FAM186A: variants seen among roughly 807,000 people sequenced by gnomAD.
FAM186A encodes the protein family with sequence similarity 186 member A.
FAM186A carries 163 observed loss-of-function variants against 216.8 expected under a neutral mutation model. The ratio of observed to expected loss-of-function variants is 0.75; its 90% CI spans 0.66 to 0.86. FAM186A has a LOEUF of 0.86. Ranked by LOEUF, FAM186A falls within the 40% of genes least tolerant of loss-of-function variation. FAM186A has a pLI of 0.00. For synonymous variants in FAM186A, 805 were observed against 1,025.3 expected, an observed-to-expected ratio of 0.79 and a Z score of 4.10; for missense variants, 2,184 against 2,746.2, an observed-to-expected ratio of 0.80 and a Z score of 4.58.
intron 1 of FAM186A, among the ~76,000 whole-genome samples, chr12:50,373,048 AAAG>A: frequency 1.3e-5 from 2 of 150,354 alleles, no homozygotes; most frequent in South Asian, 4.2e-4. Context: ...AGAAAGAAAG[AAAG>A]AAAGAAAGAA....
intron 4 of FAM186A, among the ~76,000 whole-genome samples, chr12:50,335,669 A>C (rs1332274271): frequency 1.3e-5 from 2 of 152,008 alleles, no homozygotes; most frequent in Admixed American, 6.6e-5. Flanking sequence ...TGACACATAG[A>C]AAGTACTTAA....
chr12:50,394,057 TC>T (rs1216695792), intron 1 of FAM186A, among the ~76,000 whole-genome samples: 1 of 151,888 alleles, frequency 6.6e-6, no homozygotes, highest in Non-Finnish European at 1.5e-5. Flanking sequence ...TAGCTGGGAC[TC>T]CAGGCAGGAG....
chr12:50,355,697 C>G lies in FAM186A; in HGVS notation c.1135G>C (p.Asp379His). 1 of 1,551,034 alleles carries G rather than the reference C, an allele frequency of 6.4e-7. No individual in the cohort carries two copies. Among genetic ancestry groups the G allele is most frequent in the Non-Finnish European group, 8.7e-7 (1 of 1,146,888 alleles). Residue 379 changes from aspartate to histidine, a missense_variant, in exon 4 of 8, where the codon GAC (aspartate) becomes CAC (histidine). Around this residue, in one of 7 missense-constraint regions of FAM186A, gnomAD observed 1,132 missense variants for 1,263.4 expected, o/e 0.90. Transcript: ENST00000327337. Reference protein sequence around the residue: ...DTEDNMDNILDKELENIVDEV... With the variant: ...DTEDNMDNILHKELENIVDEV... Reference sequence around the variant, plus strand: ...TCTACAATATTTTCAAGTTCCTTGTCTAAAATATTGTCCATATTGTCCTCA... The same window carrying G: ...TCTACAATATTTTCAAGTTCCTTGTGTAAAATATTGTCCATATTGTCCTCA...
Position 50,355,960 on chromosome 12 carries a change from G to A in FAM186A, c.872C>T (p.Ala291Val), listed in dbSNP as rs1339791295. The A allele has an allele frequency of 3.2e-6, 5 of 1,551,336 alleles. No homozygotes were observed. The highest frequency in any genetic ancestry group is 1.2e-5 in the South Asian group (1 of 84,062). The change falls in exon 4 of 8, where the codon GCA (alanine) becomes GTA (valine). Residue 291 changes from alanine to valine, a missense_variant. Ala to Val is a moderately conservative substitution (Grantham distance 64). Around this residue, in one of 7 missense-constraint regions of FAM186A, gnomAD observed 1,132 missense variants for 1,263.4 expected, o/e 0.90. Coordinates refer to ENST00000327337, the MANE Select transcript of FAM186A (RefSeq NM_001145475.3). ...CTTTTCTGCTTCACTTGTCTCATGT[G>A]CATACACAGTGGAACTTTGGAAGTT... is the stretch of plus-strand genomic sequence containing the variant. ...CVNFQSSTVY[A>V]HETSEAEKEL...
At chr12:50,372,402 G>T (rs1943149734) in intron 1 of FAM186A, among the ~76,000 whole-genome samples, 1 of 57,942 alleles carries the variant, frequency 1.7e-5, no homozygotes, top group Admixed American at 2.4e-4. Flanking sequence ...GACCAGCCTG[G>T]GCAACATAGT....
intron 1 of FAM186A, among the ~76,000 whole-genome samples, chr12:50,366,985 G>C (rs1034170889): frequency 1.3e-5 from 2 of 152,084 alleles, no homozygotes; most frequent in Non-Finnish European, 1.5e-5. Flanking sequence ...CTGCACTCCA[G>C]CCTTGGTGAC....
chr12:50,332,206 C>G (rs915341679), intron 5 of FAM186A, among the ~76,000 whole-genome samples: 4 of 151,658 alleles, frequency 2.6e-5, no homozygotes, highest in African/African-American at 9.8e-5. Context: ...GTAATGATAG[C>G]CAGCATTTAC....
At chr12:50,392,256 G>GTTGTTTGTTTGT (rs147405662) in intron 1 of FAM186A, 1 of 167,982 alleles carries the variant, frequency 6.0e-6, no homozygotes, top group Non-Finnish European at 1.2e-5. Context: ...TCACAGGTTT[G>GTTGTTTGTTTGT]TTGTTTGTTT....
Position 50,351,652 on chromosome 12 carries a change from G to T in FAM186A, c.5180C>A (p.Ser1727Tyr), listed in dbSNP as rs1942882731. Reference sequence around the variant, plus strand: ...ACTTGGAGACAATCTTGATATGATGGATTGCCCAGTGGGGAGAGAAGCCTT... The same window carrying T: ...ACTTGGAGACAATCTTGATATGATGTATTGCCCAGTGGGGAGAGAAGCCTT... ...KSKASLPTGQ[S>Y]IISRLSPSLR... is the part of the protein sequence containing the mutation. Residue 1727 changes from serine to tyrosine, a missense_variant, in exon 4 of 8, where the codon TCC becomes TAC. By Grantham distance (144) the Ser-to-Tyr change is moderately radical. This residue lies in a region of FAM186A where 721 missense variants were observed against 816.4 expected (regional missense o/e 0.88). Transcript: ENST00000327337. The T allele has an allele frequency of 6.4e-7, 1 of 1,551,474 alleles. No individual in the cohort carries two copies. Among genetic ancestry groups the T allele is most frequent in the Admixed American group, 2.0e-5 (1 of 50,970 alleles).
chr12:50,328,694 A>G (rs1942628087), intron 7 of FAM186A, among the ~76,000 whole-genome samples: 1 of 151,870 alleles, frequency 6.6e-6, no homozygotes, highest in Non-Finnish European at 1.5e-5. Flanking sequence ...TTTTTAGTAG[A>G]GACAGGGTTT....
In FAM186A at chr12:50,394,602, G is replaced by A. The variant is rs542602618; in HGVS notation, c.192+1691C>T. ...CTATCTATCTACCTATCTACCTATA[G>A]AGAGAGAGAGACAGAGGTCTTACTA... On this transcript the variant is annotated intron_variant, in intron 1 of 7. Coordinates refer to ENST00000327337, the MANE Select transcript of FAM186A (RefSeq NM_001145475.3). 1.7e-4 allele frequency among the ~76,000 whole-genome samples: 26 copies of A among 151,340 alleles called. No homozygotes were observed. In the South Asian group the frequency reaches 3.1e-3, roughly 18 times the overall value.
chr12:50,362,032 G>A (rs924855576), intron 2 of FAM186A, among the ~76,000 whole-genome samples: 2 of 152,018 alleles, frequency 1.3e-5, no homozygotes, highest in Non-Finnish European at 1.5e-5. Flanking sequence ...GAGTGCAGTG[G>A]CACGACCTTG....
At chr12:50,396,178 C>T (rs1943410682) in intron 1 of FAM186A, 115 bp downstream of exon 1, 2 of 989,784 alleles carry the variant, frequency 2.0e-6, no homozygotes, top group East Asian at 2.7e-5. Flanking sequence ...GTCAAAGCTA[C>T]CCTAAATACA....
At position 50,350,750 on chromosome 12, in the gene FAM186A, G is replaced by A; in HGVS notation, c.6082C>T (p.Gln2028Ter). 6.4e-7 allele frequency: 1 copy of A among 1,551,558 alleles called. No individual in the cohort carries two copies. Among genetic ancestry groups the A allele is most frequent in the Non-Finnish European group, 8.7e-7 (1 of 1,146,968 alleles). Residue 2028 changes from glutamine (Q) to a stop codon, truncating the protein, a stop_gained, in exon 4 of 8, where the codon CAA (glutamine) becomes TAA (stop). Transcript: ENST00000327337. LOFTEE classifies it high-confidence loss of function. ...GCCCTTTCATCAGTGTAAGGGGTTT[G>A]GTATACTGGTGTCCTATATTTGGTG... ...HFTKYRTPVY[Q>*]TPYTDERALL...
At chr12:50,338,421 G>A (rs750034081) in intron 4 of FAM186A, among the ~76,000 whole-genome samples, 7 of 152,150 alleles carry the variant, frequency 4.6e-5, no homozygotes, top group Middle Eastern at 3.4e-3. Flanking sequence ...GGCTGGTCTC[G>A]AACTCCAGAC....
In FAM186A at chr12:50,354,749, T is replaced by G. The variant is rs554065649; in HGVS notation, c.2083A>C (p.Thr695Pro). 3 of 1,541,242 alleles carry G rather than the reference T, an allele frequency of 1.9e-6. No homozygotes were observed. The change falls in exon 4 of 8, where the codon ACT becomes CCT. Residue 695 changes from threonine (T) to proline (P), a missense_variant. Physicochemically the swap from Thr to Pro is conservative, Grantham distance 38. Around this residue, in one of 7 missense-constraint regions of FAM186A, gnomAD observed 1,132 missense variants for 1,263.4 expected, o/e 0.90. Transcript: ENST00000327337. ...DNIGKAFDKK[T>P]VPKEEELLKR... Reference sequence around the variant, plus strand: ...AATAACTCCTCTTCCTTCGGAACAGTCTTTTTGTCAAAAGCCTTTCCTATG... The same window carrying G: ...AATAACTCCTCTTCCTTCGGAACAGGCTTTTTGTCAAAAGCCTTTCCTATG...
chr12:50,381,538 T>G, intron 1 of FAM186A, among the ~76,000 whole-genome samples: 1 of 151,008 alleles, frequency 6.6e-6, no homozygotes, highest in East Asian at 2.0e-4. Context: ...AGCAAGATTC[T>G]GTCTCAAAAA....
intron 2 of FAM186A, among the ~76,000 whole-genome samples, chr12:50,361,183 A>ATGTG (rs796599943): frequency 6.6e-6 from 1 of 151,830 alleles, no homozygotes. Flanking sequence ...GGTACCTAAA[A>ATGTG]TGTGTGTGTG....
At chr12:50,366,912 G>A (rs1943094712) in intron 1 of FAM186A, among the ~76,000 whole-genome samples, 2 of 152,106 alleles carry the variant, frequency 1.3e-5, no homozygotes, top group African/African-American at 4.8e-5. Context: ...TAGTCAGGAG[G>A]CTGAGGTGGG....
Sources: gnomAD v4.1 joint callset for allele counts (sites outside exome capture counted in the v4.1 genomes callset) on GRCh38, gnomAD v4.1.1 for gene constraint, gnomAD v4.1.1 regional missense constraint, MANE v1.5 for transcripts, NCBI Gene and HGNC (gene_info 2026-07-23, HGNC 2026-07-21) for gene names.